LRP2: variants seen among roughly 807,000 people sequenced by gnomAD.
LRP2 encodes LDL receptor related protein 2.
Under a neutral mutation model 531.0 loss-of-function variants are expected in LRP2, and 172 were observed. The observed-to-expected ratio is 0.32, with a 90% CI of 0.29 to 0.37. LRP2 has a LOEUF of 0.37. Ranked by LOEUF, LRP2 falls within the 10% of genes least tolerant of loss-of-function variation. The pLI is 1.00. For missense variants in LRP2, 5,167 were observed against 5,868.3 expected, an observed-to-expected ratio of 0.88 and a Z score of 3.90; for synonymous variants, 1,992 against 2,027.6, an observed-to-expected ratio of 0.98 and a Z score of 0.47.
intron 1 of LRP2, among the ~76,000 whole-genome samples, chr2:169,350,709 G>A (rs1245953362): frequency 4.7e-5 from 6 of 126,958 alleles, no homozygotes; most frequent in Admixed American, 9.3e-5. Flanking sequence ...GGGTGACAGA[G>A]CGAGACTCCA....
chr2:169,145,841 A>G lies in LRP2; in HGVS notation c.12894T>C (p.Asn4298=). 1.2e-6 allele frequency: 2 copies of G among 1,614,016 alleles called. No homozygotes were observed. The highest frequency in any genetic ancestry group is 1.7e-6 in the Non-Finnish European group (2 of 1,179,970). The change falls in exon 70 of 79, where the codon AAT becomes AAC. Residue 4298 remains asparagine (N), a synonymous_variant. Transcript: ENST00000649046. ...SKEKGEVWKQ[N]KFGQGKKEKT... ...TCTCTTTCTTTCCTTGCCCAAATTT[A>G]TTTTGTTTCCATACTTCTCCCTTTT...
At chr2:169,263,617 G>A (rs1173787411) in intron 16 of LRP2, among the ~76,000 whole-genome samples, 1 of 149,160 alleles carries the variant, frequency 6.7e-6, no homozygotes, top group African/African-American at 2.5e-5. Flanking sequence ...AGAGGATGTG[G>A]AGAAATAGGA....
chr2:169,154,041 T>C (rs1042501710), intron 66 of LRP2, among the ~76,000 whole-genome samples: 7 of 152,150 alleles, frequency 4.6e-5, no homozygotes, highest in Admixed American at 2.6e-4. Context: ...TAAAATGACA[T>C]AGATTCATGG....
chr2:169,290,757 G>A (rs1683978317), intron 8 of LRP2, 88 bp downstream of exon 8: 2 of 1,391,678 alleles, frequency 1.4e-6, no homozygotes, highest in Admixed American at 1.9e-5. Context: ...TTATGCAAAT[G>A]CCAACAGATA....
Position 169,139,602 on chromosome 2 carries a change from C to A in LRP2, c.13208G>T (p.Ser4403Ile). 6.2e-7 allele frequency: 1 copy of A among 1,614,158 alleles called. No homozygotes were observed. The highest frequency in any genetic ancestry group is 8.5e-7 in the Non-Finnish European group (1 of 1,180,016). ...TTCACAATATTTTCCGGTGTAGCCG[C>A]TAGGACACCTGAAAGGAAAAAGCAA... ...ETDLPKCKCP[S>I]GYTGKYCEMA... The change falls in exon 73 of 79, where the codon AGC becomes ATC. Residue 4403 changes from serine to isoleucine, a missense_variant. This residue lies in a region of LRP2 where 348 missense variants were observed against 369.3 expected (regional missense o/e 0.94). Coordinates refer to ENST00000649046, the MANE Select transcript of LRP2 (RefSeq NM_004525.3).
chr2:169,165,728 C>A (rs563803036), intron 62 of LRP2, among the ~76,000 whole-genome samples: 1 of 152,328 alleles, frequency 6.6e-6, no homozygotes, highest in Admixed American at 6.5e-5. Flanking sequence ...CAGCATCATG[C>A]TCAAATGAGA....
intron 1 of LRP2, 143 bp downstream of exon 1, chr2:169,362,178 A>T: frequency 1.6e-6 from 1 of 637,852 alleles, no homozygotes; most frequent in Non-Finnish European, 2.6e-6. Flanking sequence ...AAGCAACCTG[A>T]GCGCCCCACC....
At chr2:169,308,616 G>A (rs374363925) in intron 3 of LRP2, among the ~76,000 whole-genome samples, 1 of 152,082 alleles carries the variant, frequency 6.6e-6, no homozygotes, top group South Asian at 2.1e-4. Flanking sequence ...TTAATCCAGT[G>A]TATCATTGAT....
At chr2:169,137,610 G>A (rs1405517486) in intron 75 of LRP2, 117 bp from the exon 76 acceptor site, 11 of 650,184 alleles carry the variant, frequency 1.7e-5, no homozygotes, top group Non-Finnish European at 3.1e-5. Flanking sequence ...CTGGAGGTAC[G>A]CTAGGTGCTA....
Position 169,243,058 on chromosome 2 carries a change from C to T in LRP2, c.3565G>A (p.Ala1189Thr), listed in dbSNP as rs758122669. The stretch of plus-strand genomic sequence containing the variant: ...CCACTGGCACACTTGAATTGAGAAG[C>T]AGTACAGTTTAATACTAAGAATGAA... ...DEVGCVLNCT[A>T]SQFKCASGDK... Residue 1189 changes from alanine to threonine, a missense_variant, in exon 24 of 79, where the codon GCT becomes ACT. This residue lies in a region of LRP2 where 2,811 missense variants were observed against 3,058.0 expected (regional missense o/e 0.92). Coordinates refer to ENST00000649046, the MANE Select transcript of LRP2 (RefSeq NM_004525.3). 1.9e-6 allele frequency: 3 copies of T among 1,612,404 alleles called. No homozygotes were observed. In the South Asian group the frequency reaches 3.3e-5, roughly 18 times the overall value.
At chr2:169,307,028 A>T (rs889162396) in intron 4 of LRP2, among the ~76,000 whole-genome samples, 1 of 152,228 alleles carries the variant, frequency 6.6e-6, no homozygotes, top group South Asian at 2.1e-4. Context: ...ATCTATGTTC[A>T]TGTTAAAAGT....
chr2:169,156,634 G>A (rs746971204), intron 64 of LRP2, among the ~76,000 whole-genome samples: 14 of 152,142 alleles, frequency 9.2e-5, no homozygotes, highest in African/African-American at 1.2e-4. Flanking sequence ...AGGTATGGAC[G>A]ATTAAGCCCA....
At position 169,209,614 on chromosome 2, in the gene LRP2, T is replaced by G. The variant is rs1313350268; in HGVS notation, c.6308A>C (p.Asp2103Ala). 6.2e-7 allele frequency: 1 copy of G among 1,613,892 alleles called. No homozygotes were observed. Among genetic ancestry groups the G allele is most frequent in the Non-Finnish European group, 8.5e-7 (1 of 1,179,976 alleles). ...QGRNALHVDV[D>A]VSSGFIYWCD... The stretch of plus-strand genomic sequence containing the variant: ...CCAATAAATAAAGCCAGAGGACACA[T>G]CCACATCCACATGCAGTGCGTTTCG... The change falls in exon 38 of 79, where the codon GAT becomes GCT. Residue 2103 changes from aspartate to alanine, a missense_variant. Asp to Ala is a moderately radical substitution (Grantham distance 126). Around this residue, in one of 6 missense-constraint regions of LRP2, gnomAD observed 2,811 missense variants for 3,058.0 expected, o/e 0.92. Coordinates refer to ENST00000649046, the MANE Select transcript of LRP2 (RefSeq NM_004525.3).
chr2:169,151,552 C>T (rs1220256068), intron 67 of LRP2, among the ~76,000 whole-genome samples: 2 of 152,124 alleles, frequency 1.3e-5, no homozygotes, highest in Non-Finnish European at 2.9e-5. Flanking sequence ...CAATAGGAAC[C>T]TGGTGTCAGC....
intron 31 of LRP2, 140 bp downstream of exon 31, chr2:169,231,574 A>G: frequency 1.9e-6 from 2 of 1,037,326 alleles, no homozygotes; most frequent in African/African-American, 1.6e-5. Flanking sequence ...CACCCCATAC[A>G]ACACACATCA....
intron 47 of LRP2, 68 bp from the exon 48 acceptor site, chr2:169,192,101 T>A: frequency 1.7e-6 from 2 of 1,206,042 alleles, no homozygotes; most frequent in Non-Finnish European, 2.4e-6. Context: ...CTCTTTGCTT[T>A]AATGTTACTT....
At chr2:169,304,194 A>C (rs1684355064) in intron 4 of LRP2, among the ~76,000 whole-genome samples, 1 of 152,160 alleles carries the variant, frequency 6.6e-6, no homozygotes, top group Non-Finnish European at 1.5e-5. Context: ...TCTACTTGTA[A>C]ATAAGGGATA....
intron 30 of LRP2, 104 bp from the exon 31 acceptor site, chr2:169,231,946 G>A: frequency 7.1e-7 from 1 of 1,407,652 alleles, no homozygotes; most frequent in Non-Finnish European, 9.9e-7. Flanking sequence ...CAGTACAGGG[G>A]GGCTTAAGTA....
intron 53 of LRP2, 53 bp from the exon 54 acceptor site, chr2:169,176,641 C>G: frequency 6.7e-7 from 1 of 1,489,232 alleles, no homozygotes; most frequent in Non-Finnish European, 9.4e-7. Context: ...GAGTATCAAG[C>G]ACAGATTAGC....
Sources: gnomAD v4.1 joint callset for allele counts (sites outside exome capture counted in the v4.1 genomes callset) on GRCh38, gnomAD v4.1.1 for gene constraint, gnomAD v4.1.1 regional missense constraint, MANE v1.5 for transcripts, NCBI Gene and HGNC (gene_info 2026-07-23, HGNC 2026-07-21) for gene names.